PDE1A: variants seen among roughly 807,000 people sequenced by gnomAD.
PDE1A encodes dual specificity calcium/calmodulin-dependent 3',5'-cyclic nucleotide phosphodiesterase 1A.
PDE1A carries 35 observed loss-of-function variants against 61.7 expected under a neutral mutation model. That is an observed-to-expected ratio of 0.57 (90% confidence interval 0.43 to 0.75). The LOEUF is 0.75. Among genes scored for constraint, PDE1A ranks in the 30% least tolerant of loss-of-function variants. The pLI, the probability that PDE1A is intolerant of heterozygous loss-of-function variation, is 0.00. For missense variants in PDE1A, 597 were observed against 630.6 expected (o/e 0.95, Z 0.57); for synonymous variants, 232 against 213.2 (o/e 1.09, Z -0.77).
At chr2:182,540,107 G>A in the PDE1A span, among the ~76,000 whole-genome samples, 2 of 152,042 alleles carry the variant, frequency 1.3e-5, no homozygotes. Context: ...GCTCACACGT[G>A]TAATTCAGCA....
the PDE1A span, among the ~76,000 whole-genome samples, chr2:182,615,270 G>A: frequency 2.0e-5 from 3 of 152,094 alleles, no homozygotes; most frequent in Non-Finnish European, 4.4e-5. Context: ...TGAATCATTT[G>A]ACTCCTCCTG....
At chr2:182,220,882 G>T (rs1030697572) in intron 7 of PDE1A, among the ~76,000 whole-genome samples, 1 of 151,074 alleles carries the variant, frequency 6.6e-6, no homozygotes, top group Non-Finnish European at 1.5e-5. Flanking sequence ...GCAATATTGA[G>T]AGTTAAAAAT....
intron 13 of PDE1A, among the ~76,000 whole-genome samples, chr2:182,180,360 T>G (rs987805007): frequency 2.6e-5 from 4 of 152,164 alleles, no homozygotes; most frequent in Non-Finnish European, 5.9e-5. Context: ...AAATTTTAGG[T>G]TGAAAAATTC....
At chr2:182,554,801 C>A in the PDE1A span, among the ~76,000 whole-genome samples, 2 of 152,088 alleles carry the variant, frequency 1.3e-5, no homozygotes. Context: ...TTAGAAAAGT[C>A]TTCATTCTGC....
At chr2:182,496,339 A>G (rs1013101588) in intron 2 of PDE1A, among the ~76,000 whole-genome samples, 1 of 152,258 alleles carries the variant, frequency 6.6e-6, no homozygotes, top group Non-Finnish European at 1.5e-5. Flanking sequence ...TGTATTTTAG[A>G]TAATCATTCC....
At chr2:182,493,773 T>C (rs1048815194) in intron 2 of PDE1A, among the ~76,000 whole-genome samples, 10 of 152,160 alleles carry the variant, frequency 6.6e-5, no homozygotes, top group African/African-American at 2.4e-4. Flanking sequence ...ATGTCCTTTG[T>C]AGGAACATGG....
intron 2 of PDE1A, among the ~76,000 whole-genome samples, chr2:182,476,091 T>C (rs949378125): frequency 1.3e-5 from 2 of 152,004 alleles, no homozygotes; most frequent in African/African-American, 4.8e-5. Flanking sequence ...AAAAGGGTTA[T>C]TTTTATATTG....
intron 2 of PDE1A, among the ~76,000 whole-genome samples, chr2:182,243,798 A>G (rs975378189): frequency 3.3e-5 from 5 of 152,194 alleles, no homozygotes; most frequent in African/African-American, 1.2e-4. Context: ...CGTAATTGGT[A>G]TTGAGTTGGG....
chr2:182,399,114 T>G (rs1264406720), intron 1 of PDE1A, among the ~76,000 whole-genome samples: 1 of 149,000 alleles, frequency 6.7e-6, no homozygotes, highest in Non-Finnish European at 1.5e-5. Context: ...CTCTTTAAAA[T>G]TTTTTTTGTC....
chr2:182,419,481 G>A (rs1034704866), intron 1 of PDE1A, among the ~76,000 whole-genome samples: 4 of 151,894 alleles, frequency 2.6e-5, no homozygotes, highest in Non-Finnish European at 5.9e-5. Flanking sequence ...GACTACAGGC[G>A]TGTGCCACCA....
At chr2:182,325,315 T>G (rs910344441) in intron 1 of PDE1A, among the ~76,000 whole-genome samples, 6 of 151,812 alleles carry the variant, frequency 4.0e-5, no homozygotes, top group Admixed American at 6.6e-5. Context: ...ATACAAAAAG[T>G]AAAAATGAAT....
chr2:182,225,326 A>C (rs1051760177), intron 6 of PDE1A, among the ~76,000 whole-genome samples: 1 of 151,886 alleles, frequency 6.6e-6, no homozygotes, highest in Non-Finnish European at 1.5e-5. Context: ...AGAATTGATG[A>C]ATTTAAATTT....
chr2:182,246,401 CTTTCTTT>C (rs1302051059), intron 2 of PDE1A, among the ~76,000 whole-genome samples: 111 of 61,478 alleles, frequency 1.8e-3, no homozygotes, highest in South Asian at 0.016. Context: ...TTTCTTTTTT[CTTTCTTT>C]TTTTTTTTTT....
At chr2:182,311,526 T>C (rs997542192) in intron 1 of PDE1A, among the ~76,000 whole-genome samples, 8 of 152,172 alleles carry the variant, frequency 5.3e-5, no homozygotes, top group African/African-American at 1.9e-4. Context: ...CTACTTCTGG[T>C]CCTACAGTTT....
intron 2 of PDE1A, among the ~76,000 whole-genome samples, chr2:182,249,163 C>T (rs1337903867): frequency 6.6e-6 from 1 of 152,202 alleles, no homozygotes; most frequent in African/African-American, 2.4e-5. Context: ...ATCAACCTAC[C>T]TAGCTTTGAA....
At chr2:182,268,455 A>C (rs1264172720) in intron 1 of PDE1A, among the ~76,000 whole-genome samples, 1 of 152,060 alleles carries the variant, frequency 6.6e-6, no homozygotes, top group Non-Finnish European at 1.5e-5. Context: ...CCACACTTAT[A>C]TATACATATA....
chr2:182,163,040 T>A (rs1691472501), downstream of PDE1A, among the ~76,000 whole-genome samples: 1 of 152,146 alleles, frequency 6.6e-6, no homozygotes, highest in South Asian at 2.1e-4. Flanking sequence ...AGTGCAACCA[T>A]CAAGGACTTG....
chr2:182,527,294 C>A (rs1223114532), upstream of PDE1A, among the ~76,000 whole-genome samples: 1 of 102,468 alleles, frequency 9.8e-6, no homozygotes, highest in Non-Finnish European at 1.8e-5. Flanking sequence ...TGGTGAAACC[C>A]TTTCTCTATA....
chr2:182,306,004 A>G (rs1401730929), intron 1 of PDE1A, among the ~76,000 whole-genome samples: 1 of 152,080 alleles, frequency 6.6e-6, no homozygotes, highest in African/African-American at 2.4e-5. Flanking sequence ...ATTTAACTAA[A>G]ACTTTGTATT....
Sources: allele counts gnomAD v4.1 joint callset (sites outside exome capture counted in the v4.1 genomes callset), GRCh38; gene constraint gnomAD v4.1.1; transcripts MANE v1.5; gene names NCBI Gene and HGNC (gene_info 2026-07-23, HGNC 2026-07-21).